RAVER2: variants seen among roughly 807,000 people sequenced by gnomAD.
RAVER2 encodes the protein ribonucleoprotein, PTB binding 2, also known as ribonucleoprotein PTB-binding 2.
In RAVER2, 46 loss-of-function variants were observed where a neutral mutation model predicts 78.1. The observed-to-expected ratio is 0.59, with a 90% CI of 0.46 to 0.75. The LOEUF (loss-of-function observed/expected upper bound fraction) is 0.75. Ranked by LOEUF, RAVER2 falls within the 30% of genes least tolerant of loss-of-function variation. The probability of loss-of-function intolerance (pLI) is 0.00; values close to 1 mark genes in which losing one functional copy is unlikely to be tolerated. For missense variants in RAVER2, 793 were observed against 837.5 expected (o/e 0.95, Z 0.66); for synonymous variants, 311 against 313.3 (o/e 0.99, Z 0.08).
intron 4 of RAVER2, among the ~76,000 whole-genome samples, chr1:64,784,182 G>A (rs914088598): frequency 1.3e-5 from 2 of 152,128 alleles, no homozygotes; most frequent in African/African-American, 2.4e-5. Flanking sequence ...CCAGGAACTC[G>A]AGACTAGTCT....
At chr1:64,802,543 A>G (rs12725104) in intron 5 of RAVER2, among the ~76,000 whole-genome samples, 18,678 of 152,208 alleles carry the variant, frequency 0.12, 1,461 homozygotes, top group Admixed American at 0.22. Flanking sequence ...TTGTGTACAT[A>G]TATTGTCTTC....
At chr1:64,815,704 A>G (rs1653740519) in intron 11 of RAVER2, 1 of 152,214 alleles carries the variant, frequency 6.6e-6, no homozygotes, top group Admixed American at 6.5e-5. Context: ...AACTTAGAAA[A>G]GAAAACCACT....
At chr1:64,785,850 GATTAAA>G (rs1284476327) in intron 4 of RAVER2, among the ~76,000 whole-genome samples, 8 of 151,974 alleles carry the variant, frequency 5.3e-5, no homozygotes, top group African/African-American at 1.9e-4. Context: ...TTGCATACAA[GATTAAA>G]ATTATGATAT....
At chr1:64,832,305 T>C (rs1056076664) in exon 12 of RAVER2, 4 of 152,474 alleles carry the variant, frequency 2.6e-5, no homozygotes, top group African/African-American at 4.8e-5. Flanking sequence ...CTCTCACTCT[T>C]TTTGATAGTG....
At chr1:64,755,333 T>C (rs2100806047) in intron 1 of RAVER2, among the ~76,000 whole-genome samples, 1 of 152,362 alleles carries the variant, frequency 6.6e-6, no homozygotes, top group East Asian at 1.9e-4. Context: ...TATTTACTAC[T>C]GTTATCTTTA....
intron 5 of RAVER2, among the ~76,000 whole-genome samples, chr1:64,791,683 C>T (rs1029955775): frequency 6.6e-6 from 1 of 152,138 alleles, no homozygotes; most frequent in African/African-American, 2.4e-5. Context: ...TATAGAGATA[C>T]TCTTTTTTGT....
chr1:64,800,257 T>C (rs928904178), intron 5 of RAVER2, among the ~76,000 whole-genome samples: 5 of 152,158 alleles, frequency 3.3e-5, no homozygotes, highest in Non-Finnish European at 7.4e-5. Flanking sequence ...CCCTATTGAT[T>C]GTTTCCCTCA....
intron 11 of RAVER2, among the ~76,000 whole-genome samples, chr1:64,821,584 A>G (rs1325192365): frequency 6.6e-6 from 1 of 152,196 alleles, no homozygotes; most frequent in African/African-American, 2.4e-5. Context: ...ACATAGACCA[A>G]TGGAACAGAA....
intron 4 of RAVER2, among the ~76,000 whole-genome samples, chr1:64,784,108 G>A (rs1197730392): frequency 6.6e-6 from 1 of 152,174 alleles, no homozygotes; most frequent in East Asian, 1.9e-4. Flanking sequence ...TACTGGCTGG[G>A]CACAGTGGCT....
chr1:64,745,235 G>C lies in RAVER2; in HGVS notation c.63G>C (p.Gly21=). ...GCGCGGGCCTGGGCAGCGCGGCGGG[G>C]CTGGGGCCGGGGCCGGGGCTGCGCG... Residue 21 remains glycine (G), a synonymous_variant, in exon 1 of 12, where the codon GGG becomes GGC. Transcript: ENST00000294428. The surrounding 1 kb of genome is among the most constrained non-coding windows in gnomAD (Gnocchi z 4.3). The C allele has an allele frequency of 8.9e-7, 1 of 1,124,920 alleles. No homozygotes were observed. Among genetic ancestry groups the C allele is most frequent in the Non-Finnish European group, 1.1e-6 (1 of 917,136 alleles). 69.7% of individuals were successfully genotyped at this position (1,124,920 alleles called of 1,614,324 possible). A position where few individuals can be genotyped will look rare whatever the true frequency, so the allele number is the denominator to read the frequency against.
At chr1:64,790,566 A>G (rs1652908900) in intron 5 of RAVER2, among the ~76,000 whole-genome samples, 1 of 152,204 alleles carries the variant, frequency 6.6e-6, no homozygotes, top group African/African-American at 2.4e-5. Flanking sequence ...CTTAATAGGG[A>G]AAAACAAACT....
intron 5 of RAVER2, among the ~76,000 whole-genome samples, chr1:64,800,911 C>G (rs1437748500): frequency 1.3e-5 from 2 of 151,836 alleles, no homozygotes; most frequent in Non-Finnish European, 2.9e-5. Flanking sequence ...CTGAGGTGGT[C>G]CCAATGTAGA....
At chr1:64,808,456 CTT>C (rs71584460) in intron 9 of RAVER2, among the ~76,000 whole-genome samples, 113 of 103,144 alleles carry the variant, frequency 1.1e-3, no homozygotes, top group African/African-American at 4.1e-3. Flanking sequence ...TAATGCAGTC[CTT>C]TTTTTTTTTT....
intron 11 of RAVER2, among the ~76,000 whole-genome samples, chr1:64,823,193 G>A (rs1225660208): frequency 7.2e-5 from 11 of 152,208 alleles, no homozygotes; most frequent in Admixed American, 7.2e-4. Flanking sequence ...ACTAAACAGA[G>A]AATAGCATTT....
At chr1:64,812,980 A>C in intron 10 of RAVER2, 131 bp downstream of exon 10, 2 of 527,344 alleles carry the variant, frequency 3.8e-6, no homozygotes, top group Non-Finnish European at 6.4e-6. Context: ...ATTATTCTTT[A>C]AATTGAAAGA....
At chr1:64,782,846 C>T (rs185214728) in intron 4 of RAVER2, among the ~76,000 whole-genome samples, 50 of 152,252 alleles carry the variant, frequency 3.3e-4, no homozygotes, top group African/African-American at 1.2e-3. Context: ...CTCGTCATTA[C>T]ACTGGGCATT....
intron 11 of RAVER2, chr1:64,815,240 C>G (rs1230769394): frequency 6.6e-6 from 1 of 152,330 alleles, no homozygotes; most frequent in Non-Finnish European, 1.5e-5. Flanking sequence ...TAAATATTTA[C>G]TATCTGGTTC....
chr1:64,806,355 GAGCCA>G (rs1653418374), intron 8 of RAVER2, among the ~76,000 whole-genome samples: 1 of 152,144 alleles, frequency 6.6e-6, no homozygotes. Context: ...AGGCTGCAGT[GAGCCA>G]TGATTGTGCC....
At chr1:64,783,855 T>G (rs1374030371) in intron 4 of RAVER2, among the ~76,000 whole-genome samples, 1 of 152,236 alleles carries the variant, frequency 6.6e-6, no homozygotes, top group Admixed American at 6.5e-5. Flanking sequence ...AAAGAGCTTC[T>G]GCACAGCAAA....
Sources: gnomAD v4.1 joint callset for allele counts (sites outside exome capture counted in the v4.1 genomes callset) on GRCh38, gnomAD v4.1.1 for gene constraint, Gnocchi (gnomAD v3.1) non-coding constraint, MANE v1.5 for transcripts, NCBI Gene and HGNC (gene_info 2026-07-23, HGNC 2026-07-21) for gene names.